RBMS3: variants seen among roughly 807,000 people sequenced by gnomAD.
RBMS3 encodes RNA-binding motif, single-stranded-interacting protein 3.
In RBMS3, 27 loss-of-function variants were observed where a neutral mutation model predicts 66.8. The ratio of observed to expected loss-of-function variants is 0.40; its 90% confidence interval spans 0.30 to 0.56. RBMS3 has a LOEUF of 0.56. Among genes scored for constraint, RBMS3 ranks in the 20% least tolerant of loss-of-function variants. The probability of loss-of-function intolerance (pLI) is 0.40; values close to 1 mark genes in which losing one functional copy is unlikely to be tolerated. For missense variants in RBMS3, 513 were observed against 549.5 expected (o/e 0.93, Z 0.66); for synonymous variants, 188 against 183.0 (o/e 1.03, Z -0.22).
intron 6 of RBMS3, among the ~76,000 whole-genome samples, chr3:29,811,664 T>C (rs1184470448): frequency 6.6e-6 from 1 of 152,198 alleles, no homozygotes; most frequent in Non-Finnish European, 1.5e-5. Flanking sequence ...TGCTAAATTA[T>C]ACATTGCTCA....
At chr3:29,707,758 G>A (rs572161278) in intron 4 of RBMS3, among the ~76,000 whole-genome samples, 11 of 152,116 alleles carry the variant, frequency 7.2e-5, no homozygotes, top group African/African-American at 1.9e-4. Context: ...TTCTTACTGC[G>A]TTTCTTGCCA....
chr3:29,285,483 T>A (rs2032245525), intron 1 of RBMS3, among the ~76,000 whole-genome samples: 2 of 152,148 alleles, frequency 1.3e-5, no homozygotes, highest in Non-Finnish European at 2.9e-5. Context: ...TCCACACCCT[T>A]ACCAGTTCAC....
chr3:29,361,030 G>A (rs1042764390), intron 1 of RBMS3, among the ~76,000 whole-genome samples: 2 of 151,968 alleles, frequency 1.3e-5, no homozygotes, highest in Admixed American at 6.5e-5. Flanking sequence ...TTTAATTGGA[G>A]CACTTAGCCC....
intron 5 of RBMS3, among the ~76,000 whole-genome samples, chr3:29,741,707 C>T (rs1045849415): frequency 7.2e-5 from 11 of 152,174 alleles, no homozygotes; most frequent in African/African-American, 2.2e-4. Context: ...CAAAATGTCA[C>T]GGAACAGTGG....
intron 7 of RBMS3, among the ~76,000 whole-genome samples, chr3:29,871,674 G>A: frequency 6.6e-6 from 1 of 152,048 alleles, no homozygotes; most frequent in South Asian, 2.1e-4. Context: ...CACAGACTGA[G>A]GCTAATGTTT....
intron 7 of RBMS3, among the ~76,000 whole-genome samples, chr3:29,875,324 A>G (rs2059587851): frequency 6.6e-6 from 1 of 152,134 alleles, no homozygotes; most frequent in Non-Finnish European, 1.5e-5. Flanking sequence ...ACTCTCCTCT[A>G]TCTAGCTGCC....
intron 1 of RBMS3, among the ~76,000 whole-genome samples, chr3:29,344,323 T>C (rs564404964): frequency 6.6e-6 from 1 of 152,310 alleles, no homozygotes; most frequent in South Asian, 2.1e-4. Context: ...ACTGTCACAG[T>C]ACCATGTGGT....
intron 2 of RBMS3, among the ~76,000 whole-genome samples, chr3:29,474,386 T>G (rs1374214261): frequency 1.3e-5 from 2 of 152,232 alleles, no homozygotes; most frequent in African/African-American, 4.8e-5. Context: ...ATTCTTATAT[T>G]TGTAAACAGT....
intron 6 of RBMS3, among the ~76,000 whole-genome samples, chr3:29,788,333 C>G (rs1404281008): frequency 6.6e-6 from 1 of 151,882 alleles, no homozygotes; most frequent in Non-Finnish European, 1.5e-5. Flanking sequence ...TCAAGTGATT[C>G]TCCTGCCCCA....
chr3:29,434,096 A>C (rs551654557), intron 1 of RBMS3, among the ~76,000 whole-genome samples: 7 of 152,344 alleles, frequency 4.6e-5, no homozygotes, highest in African/African-American at 1.7e-4. Flanking sequence ...GATTAGAGTA[A>C]TTTAAAGAGG....
At chr3:29,367,647 A>G (rs1459686386) in intron 1 of RBMS3, among the ~76,000 whole-genome samples, 1 of 152,160 alleles carries the variant, frequency 6.6e-6, no homozygotes, top group African/African-American at 2.4e-5. Flanking sequence ...TAGGAATATA[A>G]TTGCTTTTTG....
intron 1 of RBMS3, among the ~76,000 whole-genome samples, chr3:29,363,778 A>T (rs2037742155): frequency 6.8e-6 from 1 of 146,570 alleles, no homozygotes; most frequent in South Asian, 2.2e-4. Flanking sequence ...TGCCAGAGTG[A>T]GACTCTGTCT....
intron 10 of RBMS3, among the ~76,000 whole-genome samples, chr3:29,927,758 A>G (rs1295593573): frequency 1.3e-5 from 2 of 152,132 alleles, no homozygotes; most frequent in Non-Finnish European, 2.9e-5. Context: ...CTAGAAAGGT[A>G]AATTGAAAGC....
intron 3 of RBMS3, among the ~76,000 whole-genome samples, chr3:29,494,496 A>T (rs17023730): frequency 6.6e-6 from 1 of 152,202 alleles, no homozygotes; most frequent in South Asian, 2.1e-4. Flanking sequence ...GAACAAAGCG[A>T]GTAACAGCTC....
At chr3:29,937,390 T>C (rs982223470) in intron 11 of RBMS3, among the ~76,000 whole-genome samples, 1 of 152,042 alleles carries the variant, frequency 6.6e-6, no homozygotes, top group African/African-American at 2.4e-5. Context: ...AATTTTACCC[T>C]ATAGCAATGG....
Position 29,438,681 on chromosome 3 carries a change from T to C in RBMS3, c.248+3766T>C, listed in dbSNP as rs1173198964. On this transcript the variant is annotated intron_variant, in intron 2 of 14. Transcript: ENST00000383767. ...ACTGTGCGTAGCGTAGAAAATAGTATAGTTAAAAACCTTGTAATGTCTTTT... is the reference window on the plus strand; with the variant it reads ...ACTGTGCGTAGCGTAGAAAATAGTACAGTTAAAAACCTTGTAATGTCTTTT... 4.6e-5 allele frequency among the ~76,000 whole-genome samples: 7 copies of C among 152,344 alleles called. No individual in the cohort carries two copies. In the South Asian group the frequency reaches 8.3e-4, roughly 18 times the overall value.
intron 4 of RBMS3, among the ~76,000 whole-genome samples, chr3:29,648,506 C>A (rs1241972236): frequency 6.6e-6 from 1 of 151,840 alleles, no homozygotes; most frequent in Admixed American, 6.6e-5. Context: ...CTCCTGAGTT[C>A]AAGCCATTCT....
intron 4 of RBMS3, among the ~76,000 whole-genome samples, chr3:29,652,604 A>G (rs765583989): frequency 6.6e-6 from 1 of 152,086 alleles, no homozygotes; most frequent in South Asian, 2.1e-4. Context: ...AAATTTCCCA[A>G]AGAAATTTCC....
intron 12 of RBMS3, among the ~76,000 whole-genome samples, chr3:29,985,980 A>T (rs993472344): frequency 6.6e-6 from 1 of 152,132 alleles, no homozygotes; most frequent in African/African-American, 2.4e-5. Flanking sequence ...TAGAGAGTGG[A>T]GTGGGGATGG....
Sources: gnomAD v4.1 joint callset for allele counts (sites outside exome capture counted in the v4.1 genomes callset) on GRCh38, gnomAD v4.1.1 for gene constraint, MANE v1.5 for transcripts, NCBI Gene and HGNC (gene_info 2026-07-23, HGNC 2026-07-21) for gene names.